The following SOX5 variants were observed in gnomAD, a reference collection of about 807,000 sequenced individuals.
The protein encoded by SOX5 is SRY-box transcription factor 5, also known as transcription factor SOX-5.
SOX5 carries 9 observed loss-of-function variants against 92.0 expected under a neutral mutation model. That is an observed-to-expected ratio of 0.10 (90% confidence interval 0.06 to 0.17). The LOEUF (loss-of-function observed/expected upper bound fraction) is 0.17, where lower values mean the gene tolerates loss of function less well. Ranked by LOEUF, SOX5 falls within the 10% of genes least tolerant of loss-of-function variation. The pLI is 1.00. For synonymous variants in SOX5, 344 were observed against 336.3 expected, an observed-to-expected ratio of 1.02 and a Z score of -0.25; for missense variants, 642 against 944.5, an observed-to-expected ratio of 0.68 and a Z score of 4.20.
At chr12:23,974,140 A>G (rs1948658413) in intron 4 of SOX5, among the ~76,000 whole-genome samples, 1 of 152,182 alleles carries the variant, frequency 6.6e-6, no homozygotes, top group African/African-American at 2.4e-5. Flanking sequence ...CTACAATAAA[A>G]CATATACGAA....
At chr12:23,735,949 T>C (rs2093575981) in intron 5 of SOX5, among the ~76,000 whole-genome samples, 1 of 152,200 alleles carries the variant, frequency 6.6e-6, no homozygotes, top group Non-Finnish European at 1.5e-5. Context: ...GGAGGCCATG[T>C]ATATTTTACT....
At chr12:24,335,750 A>T (rs1294000403) in intron 2 of SOX5, among the ~76,000 whole-genome samples, 1 of 151,942 alleles carries the variant, frequency 6.6e-6, no homozygotes, top group Non-Finnish European at 1.5e-5. Context: ...AAATCTATAG[A>T]AAAGTTAAAT....
chr12:23,971,366 C>A (rs1455540923), intron 4 of SOX5, among the ~76,000 whole-genome samples: 2 of 151,464 alleles, frequency 1.3e-5, no homozygotes, highest in Non-Finnish European at 2.9e-5. Context: ...TGGTGATCCA[C>A]CTGCCTCAGC....
chr12:23,646,561 T>C (rs751103001), intron 7 of SOX5, among the ~76,000 whole-genome samples: 54 of 152,358 alleles, frequency 3.5e-4, no homozygotes, highest in Non-Finnish European at 6.6e-4. Context: ...TGCTAATTGA[T>C]AGCAGTTATC....
intron 1 of SOX5, among the ~76,000 whole-genome samples, chr12:23,945,068 C>G (rs1227612420): frequency 6.6e-6 from 1 of 152,102 alleles, no homozygotes; most frequent in Non-Finnish European, 1.5e-5. Flanking sequence ...ACACAATATA[C>G]TCATTAGGTT....
intron 3 of SOX5, among the ~76,000 whole-genome samples, chr12:23,802,057 C>T (rs968720836): frequency 6.6e-6 from 1 of 151,798 alleles, no homozygotes. Context: ...ACATTTAATT[C>T]TTTTCTTTTT....
intron 3 of SOX5, among the ~76,000 whole-genome samples, chr12:24,234,186 A>G (rs1963988901): frequency 6.6e-6 from 1 of 152,212 alleles, no homozygotes; most frequent in African/African-American, 2.4e-5. Flanking sequence ...ATTTCACAGC[A>G]TAATTGAGAA....
rs578187779 is a variant in SOX5 at position 23,788,562 on chromosome 12, G to A, written c.482-32838C>T. Among the ~76,000 whole-genome samples, 6 of 151,860 alleles carry A rather than the reference G, an allele frequency of 4.0e-5. No individual in the cohort carries two copies. In the East Asian group the frequency reaches 1.2e-3, roughly 29 times the overall value. ...AATAAAAGCAATTGTATAATGGCCT[G>A]GGAATGAAACATGATAAAGTTCTGT... On this transcript the variant is annotated intron_variant, in intron 3 of 14. Transcript: ENST00000451604.
At chr12:24,225,403 G>A (rs1188373410) in intron 3 of SOX5, among the ~76,000 whole-genome samples, 3 of 151,048 alleles carry the variant, frequency 2.0e-5, no homozygotes, top group Non-Finnish European at 4.4e-5. Context: ...GAAGAAAATT[G>A]GAAAAAGCTT....
At chr12:24,151,814 C>T (rs962682759) in intron 4 of SOX5, among the ~76,000 whole-genome samples, 2 of 151,252 alleles carry the variant, frequency 1.3e-5, no homozygotes, top group Admixed American at 6.6e-5. Context: ...GGATAGACAA[C>T]GTCTCTCTCT....
intron 3 of SOX5, among the ~76,000 whole-genome samples, chr12:23,838,812 C>G (rs1379325151): frequency 7.6e-6 from 1 of 131,208 alleles, no homozygotes; most frequent in Non-Finnish European, 1.5e-5. Flanking sequence ...TAGATATTAC[C>G]CTTTTCTAAT....
chr12:23,734,968 T>G (rs935682216), intron 5 of SOX5, among the ~76,000 whole-genome samples: 1 of 152,172 alleles, frequency 6.6e-6, no homozygotes, highest in Non-Finnish European at 1.5e-5. Flanking sequence ...CTAAAACAAA[T>G]GAAGCCTAAG....
upstream of SOX5, chr12:23,950,980 CA>C: frequency 4.5e-6 from 1 of 219,790 alleles, no homozygotes; most frequent in Non-Finnish European, 8.9e-6. Context: ...CACGCATGCA[CA>C]CACACACACA....
At chr12:23,632,349 A>C (rs1212194416) in intron 8 of SOX5, among the ~76,000 whole-genome samples, 1 of 152,172 alleles carries the variant, frequency 6.6e-6, no homozygotes, top group African/African-American at 2.4e-5. Context: ...CCCTGTATGA[A>C]AATGATACGA....
At chr12:24,194,515 C>T (rs1956833388) in intron 4 of SOX5, among the ~76,000 whole-genome samples, 2 of 152,036 alleles carry the variant, frequency 1.3e-5, no homozygotes, top group Admixed American at 1.3e-4. Context: ...AAAATGTATG[C>T]TTATACTTGG....
chr12:23,950,786 T>G (rs906086155), upstream of SOX5: 12 of 1,279,658 alleles, frequency 9.4e-6, no homozygotes, highest in Non-Finnish European at 1.2e-5. Flanking sequence ...GATAAAAATC[T>G]GGCAGCCGAG....
intron 2 of SOX5, among the ~76,000 whole-genome samples, chr12:24,341,623 G>A (rs1277645207): frequency 6.6e-6 from 1 of 152,188 alleles, no homozygotes; most frequent in East Asian, 1.9e-4. Context: ...TTCTATCACA[G>A]GAAGTCAAAT....
At chr12:23,658,382 T>C (rs1186445350) in intron 7 of SOX5, among the ~76,000 whole-genome samples, 1 of 152,208 alleles carries the variant, frequency 6.6e-6, no homozygotes, top group Non-Finnish European at 1.5e-5. Context: ...CTCTTTATTT[T>C]TCAATCATTT....
At chr12:23,897,612 C>T (rs2097190514) in intron 1 of SOX5, among the ~76,000 whole-genome samples, 1 of 152,024 alleles carries the variant, frequency 6.6e-6, no homozygotes, top group Non-Finnish European at 1.5e-5. Flanking sequence ...CAGTGCAACC[C>T]ACCCACCCTC....
Sources: gnomAD v4.1 joint callset for allele counts (sites outside exome capture counted in the v4.1 genomes callset) on GRCh38, gnomAD v4.1.1 for gene constraint, MANE v1.5 for transcripts, NCBI Gene and HGNC (gene_info 2026-07-23, HGNC 2026-07-21) for gene names.